PRIM2: variants seen among roughly 807,000 people sequenced by gnomAD.
The protein encoded by PRIM2 is DNA primase subunit 2, also known as DNA primase large subunit.
Under a neutral mutation model 67.3 loss-of-function variants are expected in PRIM2, and 39 were observed. The observed-to-expected ratio is 0.58, with a 90% CI of 0.45 to 0.76. The LOEUF is 0.76. Among genes scored for constraint, PRIM2 ranks in the 30% least tolerant of loss-of-function variants. The pLI is 0.00. For missense variants in PRIM2, 398 were observed against 598.7 expected, an observed-to-expected ratio of 0.66 and a Z score of 3.50; for synonymous variants, 143 against 198.7, an observed-to-expected ratio of 0.72 and a Z score of 2.36.
the PRIM2 span, among the ~76,000 whole-genome samples, chr6:57,294,347 G>T: frequency 6.6e-6 from 1 of 151,872 alleles, no homozygotes; most frequent in African/African-American, 2.4e-5. Flanking sequence ...CGGGTGTGAT[G>T]GTACACACCT....
intron 10 of PRIM2, among the ~76,000 whole-genome samples, chr6:57,575,064 C>A (rs1268320397): frequency 0.023 from 3,554 of 152,188 alleles, 54 homozygotes; most frequent in Middle Eastern, 0.041. Context: ...CAGGTATACC[C>A]AACTACCTGC....
At chr6:57,609,651 C>T (rs1201666816) in intron 12 of PRIM2, among the ~76,000 whole-genome samples, 1 of 152,180 alleles carries the variant, frequency 6.6e-6, no homozygotes, top group Admixed American at 6.5e-5. Context: ...AAGTATACTC[C>T]TTACTTAGCT....
intron 7 of PRIM2, among the ~76,000 whole-genome samples, chr6:57,456,463 T>G (rs2127393985): frequency 6.6e-6 from 1 of 152,304 alleles, no homozygotes; most frequent in Admixed American, 6.5e-5. Flanking sequence ...AGTCCCATAT[T>G]TCTTGGAGGC....
At chr6:57,324,352 T>C in intron 4 of PRIM2, 72 bp downstream of exon 4, 1 of 934,812 alleles carries the variant, frequency 1.1e-6, no homozygotes, top group East Asian at 2.6e-5. Flanking sequence ...GGTAAGTTGA[T>C]GTGTTGTGCT....
intron 13 of PRIM2, among the ~76,000 whole-genome samples, chr6:57,635,778 A>T (rs1490065741): frequency 1.3e-5 from 2 of 152,168 alleles, no homozygotes; most frequent in Admixed American, 6.5e-5. Context: ...CCATCATCTC[A>T]CTTGGATCAC....
intron 5 of PRIM2, among the ~76,000 whole-genome samples, chr6:57,339,819 C>G (rs889049039): frequency 6.6e-6 from 1 of 152,096 alleles, no homozygotes; most frequent in Admixed American, 6.5e-5. Flanking sequence ...GTCTAAAACA[C>G]CAAAAGCAAT....
At chr6:57,236,721 C>G in the PRIM2 span, among the ~76,000 whole-genome samples, 2 of 152,102 alleles carry the variant, frequency 1.3e-5, no homozygotes, top group African/African-American at 4.8e-5. Flanking sequence ...CAGCTTCATC[C>G]ATGTCTCTAC....
intron 7 of PRIM2, among the ~76,000 whole-genome samples, chr6:57,393,479 C>T (rs1393408768): frequency 2.0e-5 from 3 of 152,144 alleles, no homozygotes; most frequent in African/African-American, 7.2e-5. Context: ...TATTCATATC[C>T]TTAGCCCACT....
At chr6:57,393,894 C>G (rs996957893) in intron 7 of PRIM2, among the ~76,000 whole-genome samples, 2 of 151,640 alleles carry the variant, frequency 1.3e-5, no homozygotes, top group South Asian at 2.1e-4. Flanking sequence ...AGCCAATTAT[C>G]CCTGCACCAT....
intron 12 of PRIM2, among the ~76,000 whole-genome samples, chr6:57,622,920 A>G (rs1314488842): frequency 1.3e-5 from 2 of 152,212 alleles, no homozygotes; most frequent in Non-Finnish European, 2.9e-5. Flanking sequence ...TGACAAAGAT[A>G]AATTTCAATG....
intron 8 of PRIM2, among the ~76,000 whole-genome samples, chr6:57,524,210 C>G (rs1311409586): frequency 6.6e-6 from 1 of 152,166 alleles, no homozygotes; most frequent in African/African-American, 2.4e-5. Context: ...TAACCTTTCT[C>G]TTTTCAGCCT....
intron 7 of PRIM2, among the ~76,000 whole-genome samples, chr6:57,399,524 A>G (rs963148046): frequency 1.3e-4 from 20 of 152,194 alleles, no homozygotes; most frequent in African/African-American, 4.6e-4. Flanking sequence ...TCTTTATAGC[A>G]GCATGATTTA....
chr6:57,271,089 C>CT, the PRIM2 span, among the ~76,000 whole-genome samples: 1 of 152,112 alleles, frequency 6.6e-6, no homozygotes, highest in Non-Finnish European at 1.5e-5. Flanking sequence ...CTAAAATTCT[C>CT]TTTTTTTGTT....
chr6:57,605,894 A>G (rs1776553680), intron 11 of PRIM2, among the ~76,000 whole-genome samples: 1 of 152,164 alleles, frequency 6.6e-6, no homozygotes, highest in South Asian at 2.1e-4. Flanking sequence ...GCTTTAGGAA[A>G]TAGGCATATA....
chr6:57,306,520 G>A, the PRIM2 span, among the ~76,000 whole-genome samples: 2 of 152,146 alleles, frequency 1.3e-5, no homozygotes, highest in African/African-American at 4.8e-5. Context: ...TCAGAGACAA[G>A]GGAGACAGAT....
At chr6:57,581,023 A>T (rs1449263333) in intron 10 of PRIM2, among the ~76,000 whole-genome samples, 1 of 152,210 alleles carries the variant, frequency 6.6e-6, no homozygotes, top group Non-Finnish European at 1.5e-5. Flanking sequence ...GGGTGAAACT[A>T]ATCTAGTAAA....
At chr6:57,333,419 T>A in intron 5 of PRIM2, among the ~76,000 whole-genome samples, 1 of 152,214 alleles carries the variant, frequency 6.6e-6, no homozygotes, top group Non-Finnish European at 1.5e-5. Flanking sequence ...TCTTATTCTT[T>A]GCATGTAACT....
intron 7 of PRIM2, among the ~76,000 whole-genome samples, chr6:57,436,398 C>T (rs2127382268): frequency 6.6e-6 from 1 of 152,288 alleles, no homozygotes; most frequent in South Asian, 2.1e-4. Context: ...TGCCATCAAT[C>T]ATGAGAGAGA....
intron 8 of PRIM2, among the ~76,000 whole-genome samples, chr6:57,531,997 C>A (rs1456305570): frequency 1.1e-4 from 16 of 152,172 alleles, no homozygotes; most frequent in African/African-American, 3.4e-4. Context: ...CAATAAGGCA[C>A]CTGGCATACA....
Sources: allele counts gnomAD v4.1 joint callset (sites outside exome capture counted in the v4.1 genomes callset), GRCh38; gene constraint gnomAD v4.1.1; transcripts MANE v1.5; gene names NCBI Gene and HGNC (gene_info 2026-07-23, HGNC 2026-07-21).